The following FGF13 variants were observed in gnomAD, a reference collection of about 807,000 sequenced individuals.
FGF13 encodes fibroblast growth factor homologous factor 2.
In FGF13, 2 loss-of-function variants were observed where a neutral mutation model predicts 19.5. That is an observed-to-expected ratio of 0.10 (90% CI 0.04 to 0.32). FGF13 has a LOEUF of 0.32. Ranked by LOEUF, FGF13 falls within the 10% of genes least tolerant of loss-of-function variation. The pLI is 1.00. For synonymous variants in FGF13, 72 were observed against 76.9 expected (o/e 0.94, Z 0.33); for missense variants, 113 against 192.7 (o/e 0.59, Z 2.45).
chrX:138,735,283 A>G (rs982425845), intron 1 of FGF13, among the ~76,000 whole-genome samples: 2 of 111,659 alleles, frequency 1.8e-5, no homozygotes, highest in African/African-American at 6.5e-5. Context: ...CCTAGTAAAC[A>G]CCTCCAAGGC....
At chrX:138,976,149 G>A (rs5931535) in intron 1 of FGF13, among the ~76,000 whole-genome samples, 2 of 110,557 alleles carry the variant, frequency 1.8e-5, no homozygotes, top group African/African-American at 3.3e-5. Flanking sequence ...TGTGACCACC[G>A]GAAACAAGGC....
intron 3 of FGF13, among the ~76,000 whole-genome samples, chrX:138,819,151 G>A (rs2090982042): frequency 9.0e-6 from 1 of 111,472 alleles, no homozygotes; most frequent in Admixed American, 9.6e-5. Flanking sequence ...AGAGACTTAG[G>A]TAGAAAACCC....
intron 1 of FGF13, among the ~76,000 whole-genome samples, chrX:139,123,765 G>C (rs1042580033): frequency 2.7e-5 from 3 of 112,328 alleles, no homozygotes; most frequent in African/African-American, 9.7e-5. Context: ...GAATAACAAT[G>C]TGTTGAATAA....
chrX:138,653,500 C>G lies in FGF13; in HGVS notation c.403-17845G>C, dbSNP rs183228422. Among the ~76,000 whole-genome samples, 393 of 111,429 alleles carry G rather than the reference C, an allele frequency of 3.5e-3. 2 individuals carry two copies. The highest frequency in any genetic ancestry group is 0.018 in the Middle Eastern group (4 of 217). ...AAAAGTGATTAAATTATAAATTACACTTTACACAAGTGTTTTATCAACAGC... is the reference window on the plus strand; with the variant it reads ...AAAAGTGATTAAATTATAAATTACAGTTTACACAAGTGTTTTATCAACAGC... On this transcript the variant is annotated intron_variant, in intron 3 of 4. Transcript: ENST00000315930.
At chrX:138,898,773 G>A (rs1387280658) in intron 1 of FGF13, among the ~76,000 whole-genome samples, 1 of 111,750 alleles carries the variant, frequency 8.9e-6, no homozygotes, top group Admixed American at 9.5e-5. Flanking sequence ...TTTTATAGAT[G>A]GAAAGGAGAG....
chrX:138,859,603 T>C (rs1355745019), intron 2 of FGF13, among the ~76,000 whole-genome samples: 1 of 112,668 alleles, frequency 8.9e-6, no homozygotes, highest in Non-Finnish European at 1.9e-5. Flanking sequence ...CTGAAGCTAA[T>C]AGCCTTTGGC....
upstream of FGF13, chrX:138,739,425 C>T (rs2090304299): frequency 2.4e-6 from 1 of 411,069 alleles, no homozygotes. Context: ...ATAGAGAGAT[C>T]ATTAATGGGC....
At chrX:138,667,182 GATAT>G (rs1296587188) in intron 3 of FGF13, among the ~76,000 whole-genome samples, 1 of 105,636 alleles carries the variant, frequency 9.5e-6, no homozygotes, top group African/African-American at 3.4e-5. Flanking sequence ...ATTACATGAA[GATAT>G]ATATGTATAT....
chrX:138,713,651 A>G (rs1235353826), upstream of FGF13, among the ~76,000 whole-genome samples: 1 of 111,481 alleles, frequency 9.0e-6, no homozygotes, highest in Non-Finnish European at 1.9e-5. Context: ...GCTTTCCCAC[A>G]CCGTTTTTCC....
chrX:138,790,392 G>A (rs2090733226), intron 3 of FGF13, among the ~76,000 whole-genome samples: 1 of 110,605 alleles, frequency 9.0e-6, no homozygotes, highest in African/African-American at 3.3e-5. Context: ...AATCTTGGGA[G>A]GACACAATAT....
At chrX:138,988,413 A>G (rs2092001988) in intron 1 of FGF13, among the ~76,000 whole-genome samples, 1 of 112,578 alleles carries the variant, frequency 8.9e-6, no homozygotes, top group African/African-American at 3.2e-5. Context: ...TCTATGCTAT[A>G]TAATGATGAG....
intron 1 of FGF13, among the ~76,000 whole-genome samples, chrX:139,138,926 CTTTT>C (rs758384021): frequency 0.046 from 3,950 of 85,501 alleles, 272 homozygotes; most frequent in African/African-American, 0.17. Context: ...TGTTATTTAT[CTTTT>C]TTTTTTTTTT....
intron 3 of FGF13, among the ~76,000 whole-genome samples, chrX:138,798,706 T>G (rs1848337512): frequency 8.9e-6 from 1 of 112,031 alleles, no homozygotes; most frequent in Non-Finnish European, 1.9e-5. Flanking sequence ...TTGCTTTTTT[T>G]GGTTGCTAGG....
rs950602304 is a variant in FGF13, at chrX:138,739,322, GAC to G, written c.-55_-54del. On this transcript the variant is annotated 5_prime_UTR_variant, in exon 1 of 5. Transcript: ENST00000305414. Reference sequence around the variant, plus strand: ...ACAATTGCTGTCTACATTTGGAGCAGACACAGAGAGAGAGGAGATCAGAGAAA... The same window carrying G: ...ACAATTGCTGTCTACATTTGGAGCAGACAGAGAGAGAGGAGATCAGAGAAA... 22 of 1,171,720 alleles carry G rather than the reference GAC, an allele frequency of 1.9e-5. No individual in the cohort carries two copies. The African/African-American group carries it at 3.2e-4, about 17-fold the overall frequency.
At chrX:139,062,286 C>A (rs2092338999) in intron 1 of FGF13, among the ~76,000 whole-genome samples, 1 of 110,811 alleles carries the variant, frequency 9.0e-6, no homozygotes, top group South Asian at 3.8e-4. Flanking sequence ...ATGTGGATAC[C>A]CAGTTTTCCC....
chrX:138,961,947 G>A (rs928695077), intron 1 of FGF13, among the ~76,000 whole-genome samples: 1 of 111,820 alleles, frequency 8.9e-6, no homozygotes, highest in Non-Finnish European at 1.9e-5. Flanking sequence ...AGGACTTCAT[G>A]TCTAAAACAC....
intron 1 of FGF13, among the ~76,000 whole-genome samples, chrX:139,128,878 C>G (rs7887172): frequency 1.6e-4 from 18 of 109,959 alleles, no homozygotes; most frequent in Non-Finnish European, 3.0e-4. Flanking sequence ...ATAATAATGA[C>G]AATGCTGGTC....
intron 1 of FGF13, among the ~76,000 whole-genome samples, chrX:138,922,784 G>A (rs1022415804): frequency 9.0e-6 from 1 of 111,431 alleles, no homozygotes; most frequent in Non-Finnish European, 1.9e-5. Flanking sequence ...GTAGTTCATG[G>A]TAGAATTTCA....
At chrX:139,142,245 T>A (rs190084158) in intron 1 of FGF13, among the ~76,000 whole-genome samples, 365 of 112,064 alleles carry the variant, frequency 3.3e-3, no homozygotes, top group African/African-American at 0.011. Flanking sequence ...GACTGATGTT[T>A]ATTGTCAATA....
Sources: allele counts gnomAD v4.1 joint callset (sites outside exome capture counted in the v4.1 genomes callset), GRCh38; gene constraint gnomAD v4.1.1; transcripts MANE v1.5; gene names NCBI Gene and HGNC (gene_info 2026-07-23, HGNC 2026-07-21).